SGCZ: variants seen among roughly 807,000 people sequenced by gnomAD.
The protein encoded by SGCZ is zeta-sarcoglycan.
Under a neutral mutation model 41.3 loss-of-function variants are expected in SGCZ, and 40 were observed. The ratio of observed to expected loss-of-function variants is 0.97; its 90% confidence interval spans 0.75 to 1.26. The LOEUF (loss-of-function observed/expected upper bound fraction) is 1.26, where lower values mean the gene tolerates loss of function less well. SGCZ is among the 50% of genes most tolerant of loss of function. The pLI, the probability that SGCZ is intolerant of heterozygous loss-of-function variation, is 0.00. For synonymous variants in SGCZ, 206 were observed against 137.5 expected, an observed-to-expected ratio of 1.50 and a Z score of -3.49; for missense variants, 552 against 369.8, an observed-to-expected ratio of 1.49 and a Z score of -4.04.
intron 1 of SGCZ, among the ~76,000 whole-genome samples, chr8:15,016,203 C>T (rs1469974936): frequency 6.6e-6 from 1 of 152,126 alleles, no homozygotes; most frequent in Non-Finnish European, 1.5e-5. Flanking sequence ...CTTACACCTG[C>T]CCCATTCCAT....
intron 2 of SGCZ, among the ~76,000 whole-genome samples, chr8:14,336,083 G>A (rs1242909148): frequency 2.6e-5 from 4 of 151,828 alleles, no homozygotes; most frequent in Non-Finnish European, 5.9e-5. Context: ...CCATCCTCTA[G>A]TAGACCCCAG....
Position 15,214,124 on chromosome 8 carries a change from A to G in SGCZ, c.39+23461T>C, listed in dbSNP as rs80042870. ...ATGTTCTCTGATGATCAGCCATGTGAAAAAAAACATCAATTTTTATATAAT... is the reference window on the plus strand; with the variant it reads ...ATGTTCTCTGATGATCAGCCATGTGGAAAAAAACATCAATTTTTATATAAT... On this transcript the variant is annotated intron_variant, in intron 1 of 7. Transcript: ENST00000382080. Among the ~76,000 whole-genome samples, 2,201 of 151,776 alleles carry G rather than the reference A, an allele frequency of 0.015. 170 individuals carry two copies. In the East Asian group the frequency reaches 0.2, roughly 14 times the overall value.
chr8:14,206,288 T>C (rs1805613259), intron 4 of SGCZ, among the ~76,000 whole-genome samples: 2 of 152,290 alleles, frequency 1.3e-5, no homozygotes, highest in Middle Eastern at 3.4e-3. Flanking sequence ...ACAAGCCTTA[T>C]GTTGTAAAGA....
Position 14,932,173 on chromosome 8 carries a change from T to A in SGCZ, c.39+305412A>T, listed in dbSNP as rs1187778256. ...ATAGTACATAGTTCTCTGGTGACAA[T>A]TGAAAATCATTCCTGCCCCTAATAA... is the stretch of plus-strand genomic sequence containing the variant. On this transcript the variant is annotated intron_variant, in intron 1 of 7. Transcript: ENST00000382080. Among the ~76,000 whole-genome samples, 3 of 152,036 alleles carry A rather than the reference T, an allele frequency of 2.0e-5. No homozygotes were observed. In the East Asian group the frequency reaches 5.8e-4, roughly 29 times the overall value.
At chr8:15,047,950 G>C (rs1174515732) in intron 1 of SGCZ, among the ~76,000 whole-genome samples, 1 of 151,870 alleles carries the variant, frequency 6.6e-6, no homozygotes, top group Non-Finnish European at 1.5e-5. Context: ...ATTAAAAATA[G>C]AACTACCATA....
intron 1 of SGCZ, among the ~76,000 whole-genome samples, chr8:14,890,100 C>G (rs914450806): frequency 2.7e-5 from 4 of 150,874 alleles, no homozygotes; most frequent in Non-Finnish European, 4.4e-5. Flanking sequence ...ACCCATAGTC[C>G]CAGCTACTCG....
intron 2 of SGCZ, among the ~76,000 whole-genome samples, chr8:14,441,834 C>T (rs573242440): frequency 3.3e-5 from 5 of 152,228 alleles, no homozygotes; most frequent in East Asian, 1.9e-4. Context: ...TTTAACCCCA[C>T]CTCTGACTCT....
chr8:14,093,451 A>G (rs544426819), intron 7 of SGCZ, among the ~76,000 whole-genome samples: 1 of 152,186 alleles, frequency 6.6e-6, no homozygotes, highest in Admixed American at 6.6e-5. Context: ...CTATCTCTCT[A>G]ACATCATTTC....
intron 1 of SGCZ, among the ~76,000 whole-genome samples, chr8:14,620,418 C>G (rs1368304107): frequency 2.6e-5 from 4 of 152,114 alleles, no homozygotes; most frequent in African/African-American, 7.2e-5. Context: ...GCAATGGCAA[C>G]AAAAGCCAAA....
intron 1 of SGCZ, among the ~76,000 whole-genome samples, chr8:15,120,951 C>G (rs762317227): frequency 6.6e-6 from 1 of 152,158 alleles, no homozygotes; most frequent in Non-Finnish European, 1.5e-5. Context: ...TAATCAAAAG[C>G]ATCAACGCCA....
At chr8:14,138,389 TC>T (rs1435450344) in intron 5 of SGCZ, among the ~76,000 whole-genome samples, 1 of 151,876 alleles carries the variant, frequency 6.6e-6, no homozygotes, top group African/African-American at 2.4e-5. Flanking sequence ...ACAAAGATTG[TC>T]AAACTGGATA....
intron 3 of SGCZ, among the ~76,000 whole-genome samples, chr8:14,262,876 G>T (rs372923040): frequency 6.7e-6 from 1 of 148,228 alleles, no homozygotes; most frequent in Admixed American, 6.7e-5. Context: ...AATGTGAGAA[G>T]TATAAATCTT....
intron 4 of SGCZ, among the ~76,000 whole-genome samples, chr8:14,224,396 C>T (rs1227014570): frequency 6.6e-6 from 1 of 152,094 alleles, no homozygotes; most frequent in Non-Finnish European, 1.5e-5. Flanking sequence ...TAGGGGCAGA[C>T]ATAGAGGGAA....
intron 1 of SGCZ, among the ~76,000 whole-genome samples, chr8:15,224,788 A>G (rs908445872): frequency 1.3e-5 from 2 of 152,206 alleles, no homozygotes; most frequent in African/African-American, 4.8e-5. Context: ...CTATAGTGAT[A>G]TTCGTAAAAG....
intron 1 of SGCZ, among the ~76,000 whole-genome samples, chr8:14,644,439 A>T (rs1315836910): frequency 1.3e-5 from 2 of 151,874 alleles, no homozygotes; most frequent in East Asian, 3.9e-4. Context: ...CCAAGTTTCC[A>T]GTTACCAAGC....
At chr8:14,780,756 C>A (rs1389827226) in intron 1 of SGCZ, among the ~76,000 whole-genome samples, 1 of 152,048 alleles carries the variant, frequency 6.6e-6, no homozygotes, top group African/African-American at 2.4e-5. Context: ...AATTTCAATG[C>A]CCTTAATATT....
chr8:15,129,306 A>C (rs1233984748), intron 1 of SGCZ, among the ~76,000 whole-genome samples: 1 of 152,214 alleles, frequency 6.6e-6, no homozygotes, highest in African/African-American at 2.4e-5. Context: ...ACACCCTTCC[A>C]ATCTTTCTTT....
intron 1 of SGCZ, among the ~76,000 whole-genome samples, chr8:14,590,493 C>T (rs1047529651): frequency 3.3e-5 from 5 of 151,248 alleles, no homozygotes; most frequent in African/African-American, 4.8e-5. Flanking sequence ...TACTCAGATA[C>T]GTGATATTAA....
At chr8:15,054,420 C>G (rs1021380594) in intron 1 of SGCZ, among the ~76,000 whole-genome samples, 4 of 152,034 alleles carry the variant, frequency 2.6e-5, no homozygotes, top group Non-Finnish European at 4.4e-5. Flanking sequence ...TGGTGTCACC[C>G]CCACACCACA....
Sources: allele counts gnomAD v4.1 joint callset (sites outside exome capture counted in the v4.1 genomes callset), GRCh38; gene constraint gnomAD v4.1.1; transcripts MANE v1.5; gene names NCBI Gene and HGNC (gene_info 2026-07-23, HGNC 2026-07-21).